PHF20: variants seen among roughly 807,000 people sequenced by gnomAD.
The protein encoded by PHF20 is PHD finger protein 20, also known as glioma-expressed antigen 2.
A neutral mutation model predicts 113.5 loss-of-function variants in PHF20; 23 were observed. The observed-to-expected ratio is 0.20, with a 90% CI of 0.15 to 0.29. PHF20 has a LOEUF of 0.29. PHF20 is among the 10% of genes least tolerant of loss of function. The probability of loss-of-function intolerance (pLI) is 1.00; values close to 1 mark genes in which losing one functional copy is unlikely to be tolerated. For missense variants in PHF20, 943 were observed against 1,219.6 expected (o/e 0.77, Z 3.38); for synonymous variants, 434 against 457.3 (o/e 0.95, Z 0.65).
chr20:35,800,430 A>C (rs923624538), intron 1 of PHF20, among the ~76,000 whole-genome samples: 4 of 152,194 alleles, frequency 2.6e-5, no homozygotes, highest in African/African-American at 9.6e-5. Context: ...CTCAAAAAAC[A>C]AACCAACAAA....
chr20:35,899,714 T>C, intron 10 of PHF20, 66 bp downstream of exon 10: 1 of 1,512,470 alleles, frequency 6.6e-7, no homozygotes, highest in African/African-American at 1.4e-5. Flanking sequence ...GCTTGTGTTT[T>C]CTGACACACA....
chr20:35,824,800 T>G (rs2146908182), intron 2 of PHF20, among the ~76,000 whole-genome samples: 1 of 152,234 alleles, frequency 6.6e-6, no homozygotes, highest in African/African-American at 2.4e-5. Context: ...AAACACGAAT[T>G]TACTTTCCCT....
chr20:35,792,044 T>C (rs1037867049), intron 1 of PHF20, among the ~76,000 whole-genome samples: 2 of 152,200 alleles, frequency 1.3e-5, no homozygotes, highest in African/African-American at 4.8e-5. Flanking sequence ...AATCGACTCA[T>C]TCTCAGTAGT....
chr20:35,773,706 C>T (rs893221025), intron 1 of PHF20, among the ~76,000 whole-genome samples: 1 of 152,196 alleles, frequency 6.6e-6, no homozygotes, highest in Non-Finnish European at 1.5e-5. Flanking sequence ...TTTCCTTGTG[C>T]TGGAGGTGGC....
intron 2 of PHF20, among the ~76,000 whole-genome samples, chr20:35,837,132 C>T (rs1225786511): frequency 6.6e-6 from 1 of 152,036 alleles, no homozygotes; most frequent in Non-Finnish European, 1.5e-5. Context: ...GAGATTGCAC[C>T]ACTGTACCCC....
intron 2 of PHF20, among the ~76,000 whole-genome samples, chr20:35,821,433 CAA>C (rs541660924): frequency 5.3e-5 from 4 of 75,838 alleles, no homozygotes. Flanking sequence ...GAAACTCTGT[CAA>C]AAAAAAAAAA....
chr20:35,873,475 T>C lies in PHF20; in HGVS notation c.1282+1646T>C, dbSNP rs868203419. Among the ~76,000 whole-genome samples the C allele has an allele frequency of 7.1e-3, 1,055 of 148,560 alleles. 12 individuals are homozygous for C. The highest frequency in any genetic ancestry group is 0.025 in the African/African-American group (1,006 of 40,482). On this transcript the variant is annotated intron_variant, in intron 9 of 17. Coordinates refer to ENST00000374012, the MANE Select transcript of PHF20 (RefSeq NM_016436.5). ...TTTTGTCTGTTTTTTTGTTTTTTTT[T>C]TTTTTTTTTTTAAGACAGAGTCTTG...
intron 15 of PHF20, among the ~76,000 whole-genome samples, chr20:35,933,062 T>A (rs951436473): frequency 3.3e-5 from 5 of 152,192 alleles, no homozygotes; most frequent in Admixed American, 6.5e-5. Context: ...ACTTGTTTTA[T>A]GTGTATGCCA....
intron 5 of PHF20, among the ~76,000 whole-genome samples, chr20:35,859,945 G>A (rs1050549690): frequency 3.2e-4 from 49 of 151,890 alleles, no homozygotes; most frequent in African/African-American, 1.1e-3. Context: ...TTTTGAGACC[G>A]AGTCTCTGTC....
intron 2 of PHF20, among the ~76,000 whole-genome samples, chr20:35,814,456 A>G (rs1473353598): frequency 6.6e-6 from 1 of 151,488 alleles, no homozygotes. Flanking sequence ...ACCTCAAGTG[A>G]TCCGCCTGCC....
chr20:35,881,149 C>G (rs895772744), intron 9 of PHF20, among the ~76,000 whole-genome samples: 2 of 145,516 alleles, frequency 1.4e-5, no homozygotes, highest in African/African-American at 5.1e-5. Flanking sequence ...CCTTCGCCTC[C>G]TGGGTTTAAG....
chr20:35,829,657 C>T (rs540903266), intron 2 of PHF20, among the ~76,000 whole-genome samples: 1 of 146,028 alleles, frequency 6.8e-6, no homozygotes, highest in South Asian at 2.3e-4. Flanking sequence ...TAAAATTTTT[C>T]ATAGTGAGAT....
At chr20:35,846,743 G>A (rs1373469729) in intron 3 of PHF20, among the ~76,000 whole-genome samples, 1 of 152,126 alleles carries the variant, frequency 6.6e-6, no homozygotes, top group Non-Finnish European at 1.5e-5. Flanking sequence ...TGGGCTTATT[G>A]AGGTCTTGTG....
chr20:35,859,151 T>G (rs1600837090), intron 5 of PHF20, among the ~76,000 whole-genome samples: 1 of 152,188 alleles, frequency 6.6e-6, no homozygotes, highest in Admixed American at 6.5e-5. Flanking sequence ...CAGCCACTTG[T>G]GCTAGATGTG....
At chr20:35,887,807 T>TAAAAAAA in intron 9 of PHF20, 1 of 105,268 alleles carries the variant, frequency 9.5e-6, no homozygotes, top group Non-Finnish European at 2.0e-5. Flanking sequence ...AAGACTGAAT[T>TAAAAAAA]AAAAAAAAAA....
At chr20:35,859,641 A>G (rs2098112633) in intron 5 of PHF20, among the ~76,000 whole-genome samples, 1 of 149,740 alleles carries the variant, frequency 6.7e-6, no homozygotes, top group Non-Finnish European at 1.5e-5. Context: ...CCGCCTCCCC[A>G]GTTCAAGTGA....
At chr20:35,921,175 G>A (rs188913870) in intron 13 of PHF20, among the ~76,000 whole-genome samples, 2 of 152,284 alleles carry the variant, frequency 1.3e-5, no homozygotes, top group Admixed American at 6.5e-5. Context: ...TGAACAGCAT[G>A]CTGTGTAGTT....
intron 14 of PHF20, 125 bp from the exon 15 acceptor site, chr20:35,931,124 A>G: frequency 1.5e-6 from 1 of 673,986 alleles, no homozygotes; most frequent in South Asian, 1.9e-5. Context: ...CTGGATGAAT[A>G]AATGAACAAA....
Position 35,938,769 on chromosome 20 carries a change from T to A in PHF20, c.2373T>A (p.His791Gln), listed in dbSNP as rs2055917462. 1.2e-6 allele frequency: 2 copies of A among 1,613,966 alleles called. No individual in the cohort carries two copies. The highest frequency in any genetic ancestry group is 2.7e-5 in the African/African-American group (2 of 74,906). ...AGCACTCAGGGGAGGGGAGATCTCA[T>A]TTCAGAAACATCCCTGTCACTGACA... The part of the protein sequence containing the change: ...WKQHSGEGRS[H>Q]FRNIPVTDTR... The change falls in exon 16 of 18, where the codon CAT (histidine) becomes CAA (glutamine). Residue 791 changes from histidine (H) to glutamine (Q), a missense_variant. By Grantham distance (24) the His-to-Gln change is conservative (BLOSUM62 0). Around this residue, in one of 3 missense-constraint regions of PHF20, gnomAD observed 349 missense variants for 412.3 expected, o/e 0.85. Transcript: ENST00000374012.
Sources: allele counts gnomAD v4.1 joint callset (sites outside exome capture counted in the v4.1 genomes callset), GRCh38; gene constraint gnomAD v4.1.1; regional missense constraint gnomAD v4.1.1; transcripts MANE v1.5; gene names NCBI Gene and HGNC (gene_info 2026-07-23, HGNC 2026-07-21).